The following PLD3 variants were observed in gnomAD, a reference collection of about 807,000 sequenced individuals.
The protein encoded by PLD3 is phospholipase D family member 3.
PLD3 carries 31 observed loss-of-function variants against 58.4 expected under a neutral mutation model. That is an observed-to-expected ratio of 0.53 (90% CI 0.40 to 0.72). PLD3 has a LOEUF of 0.72. Ranked by LOEUF, PLD3 falls within the 30% of genes least tolerant of loss-of-function variation. The pLI is 0.00. For synonymous variants in PLD3, 264 were observed against 273.4 expected (o/e 0.97, Z 0.34); for missense variants, 595 against 659.8 (o/e 0.90, Z 1.08).
At position 40,370,121 on chromosome 19, in the gene PLD3, C is replaced by T. The variant is rs1326374111; in HGVS notation, c.562C>T (p.Arg188Cys). ...CCTGCTGGTCACAGGTGCCCAGGTC[C>T]GCATGGTGGACATGCAGAAGCTGAC... ...QALLQSGAQV[R>C]MVDMQKLTHG... is the part of the protein sequence containing the mutation. Residue 188 changes from arginine (R) to cysteine (C), a missense_variant, in exon 8 of 13, where the codon CGC (arginine) becomes TGC (cysteine). By Grantham distance (180) the Arg-to-Cys change is radical (BLOSUM62 -3). Transcript: ENST00000409735. 1.9e-6 allele frequency: 3 copies of T among 1,611,476 alleles called. No individual in the cohort carries two copies. Among genetic ancestry groups the T allele is most frequent in the Non-Finnish European group, 1.7e-6 (2 of 1,178,912 alleles).
intron 1 of PLD3, among the ~76,000 whole-genome samples, chr19:40,353,194 C>T (rs912760916): frequency 1.1e-4 from 16 of 152,260 alleles, no homozygotes; most frequent in African/African-American, 3.9e-4. Context: ...CTTTGGGAGG[C>T]TGAGGTGGGC....
intron 11 of PLD3, 69 bp from the exon 12 acceptor site, chr19:40,377,717 C>G: frequency 8.9e-7 from 1 of 1,129,194 alleles, no homozygotes. Flanking sequence ...ACACTCTGCT[C>G]CCTGATCCCG....
intron 10 of PLD3, chr19:40,376,273 T>C (rs2079196627): frequency 4.4e-6 from 1 of 226,798 alleles, no homozygotes; most frequent in Non-Finnish European, 8.7e-6. Flanking sequence ...GAGAATCGCT[T>C]GAACCCAGGA....
chr19:40,349,750 G>A (rs903247742), intron 1 of PLD3, among the ~76,000 whole-genome samples: 2 of 151,800 alleles, frequency 1.3e-5, no homozygotes, highest in African/African-American at 4.8e-5. Flanking sequence ...CCTGATGTCG[G>A]GAGTTCGAGA....
intron 5 of PLD3, 185 bp downstream of exon 5, chr19:40,367,100 C>T (rs1354857738): frequency 6.5e-6 from 4 of 613,622 alleles, no homozygotes; most frequent in Non-Finnish European, 1.1e-5. Context: ...GCAGCCACAG[C>T]GTCATCTTCT....
chr19:40,371,639 C>T (rs769776123), intron 8 of PLD3, 34 bp from the exon 9 acceptor site: 15 of 1,487,404 alleles, frequency 1.0e-5, no homozygotes, highest in Middle Eastern at 1.7e-4. Flanking sequence ...AGCACTAGGC[C>T]GCTATCGCTG....
At chr19:40,377,074 G>A (rs2079227677) in intron 11 of PLD3, among the ~76,000 whole-genome samples, 1 of 147,622 alleles carries the variant, frequency 6.8e-6, no homozygotes, top group South Asian at 2.2e-4. Flanking sequence ...AGGCAGAGGG[G>A]TCAGGGCTGG....
rs2079301365 is a variant in PLD3 at position 40,378,431 on chromosome 19, C to G, written c.*258C>G. 1.7e-6 allele frequency: 1 copy of G among 589,816 alleles called. No homozygotes were observed. The highest frequency in any genetic ancestry group is 1.9e-5 in the African/African-American group (1 of 53,504). The allele number at this position is 589,816 out of a possible 1,614,324, so 36.5% of individuals were successfully genotyped here. A position where few individuals can be genotyped will look rare whatever the true frequency, so the allele number is the denominator to read the frequency against. ...GGCCTGGCCCCCTGGCCCACCCCCA[C>G]TTTCCAGGGCAAAAAGGGCCCAGGG... On this transcript the variant is annotated 3_prime_UTR_variant, in exon 13 of 13. Transcript: ENST00000409735.
intron 8 of PLD3, among the ~76,000 whole-genome samples, chr19:40,371,309 A>G (rs2079061684): frequency 6.6e-6 from 1 of 152,194 alleles, no homozygotes; most frequent in Non-Finnish European, 1.5e-5. Context: ...GTCACCAGAA[A>G]GAATGAGGAG....
At chr19:40,373,114 A>G (rs1377511380) in intron 9 of PLD3, among the ~76,000 whole-genome samples, 1 of 152,148 alleles carries the variant, frequency 6.6e-6, no homozygotes, top group Non-Finnish European at 1.5e-5. Flanking sequence ...TGAGCAAGTT[A>G]CCTGTCCAAG....
chr19:40,366,768 C>T lies in PLD3; in HGVS notation c.103-5C>T. On this transcript the variant is annotated splice_polypyrimidine_tract_variant and splice_region_variant and intron_variant, in intron 4 of 12. Transcript: ENST00000409735. ...GGCTGGCTGACCACCTCCTCCTCCC[C>T]ACAGAAAGCCCGCTGGGTCCTGCTG... The T allele has an allele frequency of 1.2e-6, 2 of 1,613,996 alleles. No homozygotes were observed. The highest frequency in any genetic ancestry group is 8.5e-7 in the Non-Finnish European group (1 of 1,179,900).
At chr19:40,368,493 T>C (rs1600310747) in intron 6 of PLD3, among the ~76,000 whole-genome samples, 1 of 152,292 alleles carries the variant, frequency 6.6e-6, no homozygotes, top group Admixed American at 6.5e-5. Context: ...GATAACCTCT[T>C]CCATTGAAAA....
At chr19:40,348,885 A>G (rs2078402401) in intron 1 of PLD3, 117 bp downstream of exon 1, 1 of 151,374 alleles carries the variant, frequency 6.6e-6, no homozygotes, top group African/African-American at 2.5e-5. Flanking sequence ...AATATAATAT[A>G]TATAATTATA....
chr19:40,363,952 T>C (rs907827698), intron 1 of PLD3, among the ~76,000 whole-genome samples: 1 of 152,168 alleles, frequency 6.6e-6, no homozygotes, highest in Non-Finnish European at 1.5e-5. Context: ...CCTGATTTTT[T>C]AAAAGGTAAT....
At chr19:40,361,085 T>C (rs2078770576) in intron 1 of PLD3, among the ~76,000 whole-genome samples, 1 of 151,344 alleles carries the variant, frequency 6.6e-6, no homozygotes, top group South Asian at 2.1e-4. Flanking sequence ...AGTTCAAGAG[T>C]AGCCTGGGCA....
At chr19:40,349,232 C>G (rs1329273669) in intron 1 of PLD3, among the ~76,000 whole-genome samples, 1 of 152,070 alleles carries the variant, frequency 6.6e-6, no homozygotes, top group Non-Finnish European at 1.5e-5. Flanking sequence ...GGCTACTGTC[C>G]CCATCGCTCT....
chr19:40,378,285 TC>T lies in PLD3; in HGVS notation c.*113del. On this transcript the variant is annotated 3_prime_UTR_variant, in exon 13 of 13. Coordinates refer to ENST00000409735, the MANE Select transcript of PLD3 (RefSeq NM_012268.4). ...CTTCTGTCTGCCCCATTGTGGCTCC[TC>T]AGGCTCTCTCCCCTGCTCTCCCACC... The T allele has an allele frequency of 1.0e-6, 1 of 988,422 alleles. No individual in the cohort carries two copies. The highest frequency in any genetic ancestry group is 1.6e-6 in the Non-Finnish European group (1 of 627,788). 61.2% of individuals were successfully genotyped at this position (988,422 alleles called of 1,614,324 possible).
intron 1 of PLD3, among the ~76,000 whole-genome samples, chr19:40,349,623 G>C (rs762683617): frequency 1.4e-4 from 22 of 152,136 alleles, no homozygotes; most frequent in Non-Finnish European, 3.1e-4. Context: ...CTTGTGGTAG[G>C]CTCAGCTTGA....
chr19:40,366,526 G>T lies in PLD3; in HGVS notation c.27+16G>T. On this transcript the variant is annotated intron_variant, in intron 3 of 12. Coordinates refer to ENST00000409735, the MANE Select transcript of PLD3 (RefSeq NM_012268.4). ...GTACCAGGAGGTAGGTGGATTGGGG[G>T]GCTCAGCAGGGTGGAACTGGGTACA... 1 of 1,611,798 alleles carries T rather than the reference G, an allele frequency of 6.2e-7. No homozygotes were observed. Among genetic ancestry groups the T allele is most frequent in the South Asian group, 1.1e-5 (1 of 90,838 alleles).
Sources: gnomAD v4.1 joint callset for allele counts (sites outside exome capture counted in the v4.1 genomes callset) on GRCh38, gnomAD v4.1.1 for gene constraint, MANE v1.5 for transcripts, NCBI Gene and HGNC (gene_info 2026-07-23, HGNC 2026-07-21) for gene names.